Variants in PRKN observed in about 807,000 individuals in gnomAD.
The protein encoded by PRKN is parkin RBR E3 ubiquitin protein ligase, also known as E3 ubiquitin-protein ligase parkin.
Under a neutral mutation model 59.5 loss-of-function variants are expected in PRKN, and 56 were observed. The observed-to-expected ratio is 0.94, with a 90% CI of 0.76 to 1.18. The LOEUF is 1.18. Among genes scored for constraint, PRKN ranks in the 50% most tolerant of loss-of-function variants. PRKN has a pLI of 0.00. For missense variants in PRKN, 657 were observed against 596.4 expected (o/e 1.10, Z -1.06); for synonymous variants, 250 against 222.1 (o/e 1.13, Z -1.12).
chr6:162,291,845 T>C (rs933570910), intron 2 of PRKN, among the ~76,000 whole-genome samples: 2 of 152,086 alleles, frequency 1.3e-5, no homozygotes, highest in Non-Finnish European at 1.5e-5. Flanking sequence ...AATGAAGCGT[T>C]GAAGACAAAC....
At chr6:161,878,756 A>G (rs1344007173) in intron 6 of PRKN, among the ~76,000 whole-genome samples, 1 of 152,194 alleles carries the variant, frequency 6.6e-6, no homozygotes, top group East Asian at 1.9e-4. Context: ...ATATTTGTCC[A>G]TCTTACTACT....
At chr6:162,616,826 A>G (rs2128219942) in intron 1 of PRKN, among the ~76,000 whole-genome samples, 1 of 152,310 alleles carries the variant, frequency 6.6e-6, no homozygotes, top group Middle Eastern at 3.4e-3. Context: ...GCTCTTTTAA[A>G]GTCAGCAACA....
rs1554251118 is a variant in PRKN, at chr6:161,352,726, A to AGTGTGTGTATGTGTGTGT, written c.1286-2516_1286-2515insACACACACATACACACAC. On this transcript the variant is annotated intron_variant, in intron 11 of 11. Transcript: ENST00000366898. The surrounding 1 kb of genome is among the most constrained non-coding windows in gnomAD (Gnocchi z 5.8). ...TATATAAACACAAATATGTATGAAG[A>AGTGTGTGTATGTGTGTGT]GTGTGTGTGTGTGTGTGTGTGTGTG... Among the ~76,000 whole-genome samples the AGTGTGTGTATGTGTGTGT allele has an allele frequency of 2.8e-3, 363 of 128,512 alleles. 1 individual carries two copies. The highest frequency in any genetic ancestry group is 3.5e-3 in the Non-Finnish European group (215 of 61,058). The allele number at this position is 128,512 out of a possible 152,430, so 84.3% of individuals were successfully genotyped here.
At chr6:161,678,568 A>AATTTTTTTTTTTTTTTTTTT in intron 7 of PRKN, among the ~76,000 whole-genome samples, 1 of 121,448 alleles carries the variant, frequency 8.2e-6, no homozygotes, top group Non-Finnish European at 1.6e-5. Flanking sequence ...TTGGTGCCTG[A>AATTTTTTTTTTTTTTTTTTT]TTTTTTTTTT....
chr6:161,457,781 C>T lies in PRKN; in HGVS notation c.1084-70904G>A, dbSNP rs941480340. 6.6e-6 allele frequency among the ~76,000 whole-genome samples: 1 copy of T among 152,244 alleles called. No individual in the cohort carries two copies. The highest frequency in any genetic ancestry group is 2.4e-5 in the African/African-American group (1 of 41,476). ...CCAACTTCCTGTGTGTGTGTTACCA[C>T]ACTCTTAATATGAAAACATGTGTGA... On this transcript the variant is annotated intron_variant, in intron 9 of 11. Transcript: ENST00000366898. The surrounding 1 kb of genome is among the most constrained non-coding windows in gnomAD (Gnocchi z 5.0).
intron 6 of PRKN, among the ~76,000 whole-genome samples, chr6:161,851,096 T>C (rs1307290804): frequency 6.6e-6 from 1 of 152,178 alleles, no homozygotes; most frequent in Non-Finnish European, 1.5e-5. Flanking sequence ...TGCAACAATG[T>C]TGAGAGATGG....
chr6:162,702,577 T>A (rs1479919233), intron 1 of PRKN, among the ~76,000 whole-genome samples: 1 of 152,182 alleles, frequency 6.6e-6, no homozygotes, highest in Non-Finnish European at 1.5e-5. Flanking sequence ...CTCTCAAGGT[T>A]GCCTAATCAT....
chr6:161,888,483 C>T (rs748010443), intron 6 of PRKN, among the ~76,000 whole-genome samples: 2 of 152,196 alleles, frequency 1.3e-5, no homozygotes, highest in African/African-American at 2.4e-5. Flanking sequence ...GCCCACCTCT[C>T]CTGGGGTTGC....
At chr6:161,630,227 A>T (rs1053215434) in intron 7 of PRKN, among the ~76,000 whole-genome samples, 1 of 152,136 alleles carries the variant, frequency 6.6e-6, no homozygotes, top group African/African-American at 2.4e-5. Flanking sequence ...TTGAGCTTTG[A>T]AGGTCTGACA....
chr6:162,589,628 C>A (rs1291965930), intron 1 of PRKN, among the ~76,000 whole-genome samples: 1 of 151,928 alleles, frequency 6.6e-6, no homozygotes, highest in Admixed American at 6.6e-5. Context: ...ATGGTGTAAC[C>A]GAATAATAAT....
At chr6:162,278,184 A>G (rs1035821317) in intron 2 of PRKN, among the ~76,000 whole-genome samples, 3 of 152,200 alleles carry the variant, frequency 2.0e-5, no homozygotes, top group African/African-American at 7.2e-5. Context: ...TACATCTTGT[A>G]TGATTCCAAT....
chr6:162,270,514 A>C (rs1424255848), intron 2 of PRKN, among the ~76,000 whole-genome samples: 2 of 152,186 alleles, frequency 1.3e-5, no homozygotes, highest in Non-Finnish European at 2.9e-5. Flanking sequence ...TATGGGAAAA[A>C]AATCATTTCA....
At chr6:161,662,228 G>A (rs2128165899) in intron 7 of PRKN, among the ~76,000 whole-genome samples, 1 of 152,224 alleles carries the variant, frequency 6.6e-6, no homozygotes, top group Middle Eastern at 3.4e-3. Flanking sequence ...TAAGAGGAAT[G>A]TGCTATTTTG....
chr6:162,692,232 T>C (rs987513173), intron 1 of PRKN, among the ~76,000 whole-genome samples: 1 of 151,792 alleles, frequency 6.6e-6, no homozygotes, highest in Non-Finnish European at 1.5e-5. Flanking sequence ...TTCATTTCCC[T>C]GTGTATCAAG....
intron 2 of PRKN, among the ~76,000 whole-genome samples, chr6:162,299,695 ATG>A (rs1378999626): frequency 7.9e-5 from 12 of 151,736 alleles, no homozygotes; most frequent in Non-Finnish European, 1.6e-4. Flanking sequence ...CTTTATATAT[ATG>A]TGTGTCTATA....
chr6:162,723,380 G>A (rs1217605040), intron 1 of PRKN, among the ~76,000 whole-genome samples: 1 of 152,204 alleles, frequency 6.6e-6, no homozygotes, highest in Admixed American at 6.5e-5. Flanking sequence ...GAGGAAATGG[G>A]CACTCTTATA....
At chr6:162,407,245 A>T (rs1273450492) in intron 2 of PRKN, among the ~76,000 whole-genome samples, 1 of 152,158 alleles carries the variant, frequency 6.6e-6, no homozygotes. Flanking sequence ...CTGAAGCTTC[A>T]GCTAAATAAT....
intron 3 of PRKN, among the ~76,000 whole-genome samples, chr6:162,230,943 G>A (rs1778396584): frequency 6.6e-6 from 1 of 152,088 alleles, no homozygotes; most frequent in African/African-American, 2.4e-5. Context: ...AAGTAACATC[G>A]TGGGTTCAGA....
rs570246369 is a variant in PRKN at position 162,229,034 on chromosome 6, G to A, written c.413-27782C>T. On this transcript the variant is annotated intron_variant, in intron 3 of 11. Transcript: ENST00000366898. ...CCACTTCTGTTTTCTATCCAAACTC[G>A]CTGCTCAAGTGATCTTCTCAGTCCT... Among the ~76,000 whole-genome samples the A allele has an allele frequency of 5.9e-5, 9 of 152,204 alleles. No homozygotes were observed. The East Asian group carries it at 7.7e-4, about 13-fold the overall frequency.
Sources: allele counts gnomAD v4.1 joint callset (sites outside exome capture counted in the v4.1 genomes callset), GRCh38; gene constraint gnomAD v4.1.1; non-coding constraint Gnocchi (gnomAD v3.1); transcripts MANE v1.5; gene names NCBI Gene and HGNC (gene_info 2026-07-23, HGNC 2026-07-21).